The following MEI4 variants were observed in gnomAD, a reference collection of about 807,000 sequenced individuals.
The protein encoded by MEI4 is meiotic double-stranded break formation protein 4, also known as meiosis-specific protein MEI4.
MEI4 carries 27 observed loss-of-function variants against 31.4 expected under a neutral mutation model. That is an observed-to-expected ratio of 0.86 (90% CI 0.63 to 1.19). The LOEUF (loss-of-function observed/expected upper bound fraction) is 1.19, where lower values mean the gene tolerates loss of function less well. Ranked by LOEUF, MEI4 falls within the 50% of genes most tolerant of loss-of-function variation. The pLI is 0.00. For synonymous variants in MEI4, 122 were observed against 145.4 expected, an observed-to-expected ratio of 0.84 and a Z score of 1.16; for missense variants, 329 against 398.9, an observed-to-expected ratio of 0.82 and a Z score of 1.49.
In MEI4 at chr6:77,734,796, C is replaced by T. The variant is rs530071399; in HGVS notation, c.233-26334C>T. On this transcript the variant is annotated intron_variant, in intron 2 of 4. Transcript: ENST00000684080. ...ACTGGTTGTTCCTTTCCGTGTTTAG[C>T]GCTTCCTTCAGGAGCTCTTTTAGGG... Among the ~76,000 whole-genome samples, 139 of 151,756 alleles carry T rather than the reference C, an allele frequency of 9.2e-4. 2 individuals carry two copies. Among genetic ancestry groups the T allele is most frequent in the African/African-American group, 2.2e-3 (92 of 41,304 alleles).
chr6:77,810,694 T>A (rs1769556232), intron 3 of MEI4, among the ~76,000 whole-genome samples: 1 of 152,142 alleles, frequency 6.6e-6, no homozygotes, highest in Admixed American at 6.6e-5. Flanking sequence ...AAAATACATG[T>A]TATAGACTCC....
At chr6:77,871,969 T>A (rs553550874) in intron 4 of MEI4, among the ~76,000 whole-genome samples, 1 of 152,308 alleles carries the variant, frequency 6.6e-6, no homozygotes, top group South Asian at 2.1e-4. Context: ...AGTTTCCCTC[T>A]AAGATAATTA....
upstream of MEI4, among the ~76,000 whole-genome samples, chr6:77,652,830 T>G (rs902597787): frequency 6.6e-6 from 1 of 152,072 alleles, no homozygotes; most frequent in Admixed American, 6.5e-5. Context: ...CTAAGGCCCA[T>G]AGACATCAAA....
chr6:77,925,848 T>C lies in MEI4; in HGVS notation c.*2502T>C, dbSNP rs1766830448. The C allele has an allele frequency of 6.7e-6, 1 of 149,034 alleles. No individual in the cohort carries two copies. Among genetic ancestry groups the C allele is most frequent in the South Asian group, 2.1e-4 (1 of 4,800 alleles). The allele number at this position is 149,034 out of a possible 1,614,324, so 9.2% of individuals were successfully genotyped here. A position where few individuals can be genotyped will look rare whatever the true frequency, so the allele number is the denominator to read the frequency against. Reference sequence around the variant, plus strand: ...TATAATAAAATATATGAATAAGTAATATTATACATATATATACGATATGTA... The same window carrying C: ...TATAATAAAATATATGAATAAGTAACATTATACATATATATACGATATGTA... On this transcript the variant is annotated 3_prime_UTR_variant, in exon 5 of 5. Coordinates refer to ENST00000684080, the MANE Select transcript of MEI4 (RefSeq NM_001322247.2).
intron 4 of MEI4, among the ~76,000 whole-genome samples, chr6:77,835,570 A>G (rs1369909380): frequency 1.3e-5 from 2 of 152,118 alleles, no homozygotes; most frequent in Non-Finnish European, 2.9e-5. Flanking sequence ...TTATATTGAC[A>G]CAATATCTTT....
intron 1 of MEI4, among the ~76,000 whole-genome samples, chr6:77,665,976 C>T (rs375307477): frequency 3.3e-5 from 5 of 152,170 alleles, no homozygotes; most frequent in South Asian, 4.2e-4. Context: ...GGAGGTCCCC[C>T]GATCCGAGTC....
At chr6:77,692,168 T>C (rs1317653852) in intron 2 of MEI4, among the ~76,000 whole-genome samples, 1 of 151,994 alleles carries the variant, frequency 6.6e-6, no homozygotes. Flanking sequence ...GTTCTTCTCT[T>C]TGACTCTTTG....
chr6:77,715,312 A>G (rs1766555000), intron 2 of MEI4, among the ~76,000 whole-genome samples: 1 of 152,212 alleles, frequency 6.6e-6, no homozygotes, highest in Non-Finnish European at 1.5e-5. Context: ...GTTTTTAACT[A>G]GTTATAAAAA....
At chr6:77,675,547 T>A (rs9343639) in intron 1 of MEI4, among the ~76,000 whole-genome samples, 216 of 138,776 alleles carry the variant, frequency 1.6e-3, no homozygotes, top group East Asian at 2.7e-3. Flanking sequence ...TTTTTTTTTT[T>A]AAAAAAAAGG....
chr6:77,777,271 T>C (rs1315059464), intron 3 of MEI4, among the ~76,000 whole-genome samples: 1 of 152,138 alleles, frequency 6.6e-6, no homozygotes, highest in East Asian at 1.9e-4. Flanking sequence ...AAGGAGAATT[T>C]GAGAAAGCTA....
At chr6:77,678,279 A>C (rs1176943437) in intron 1 of MEI4, among the ~76,000 whole-genome samples, 1 of 152,204 alleles carries the variant, frequency 6.6e-6, no homozygotes, top group Non-Finnish European at 1.5e-5. Flanking sequence ...TGTATCTCTC[A>C]TGGGAACCAA....
intron 3 of MEI4, among the ~76,000 whole-genome samples, chr6:77,817,129 C>T (rs998762311): frequency 2.0e-5 from 3 of 151,860 alleles, no homozygotes; most frequent in Non-Finnish European, 4.4e-5. Context: ...ACATATTATT[C>T]TTGGTATCTC....
chr6:77,861,095 A>G (rs1770853393), intron 4 of MEI4, among the ~76,000 whole-genome samples: 1 of 152,148 alleles, frequency 6.6e-6, no homozygotes, highest in African/African-American at 2.4e-5. Flanking sequence ...ATCTGAATTG[A>G]TCCTTCCCAT....
At chr6:77,752,660 A>G (rs1160042819) in intron 2 of MEI4, among the ~76,000 whole-genome samples, 1 of 152,172 alleles carries the variant, frequency 6.6e-6, no homozygotes, top group Non-Finnish European at 1.5e-5. Context: ...GAAGAATCAT[A>G]TCACAAAAAT....
At chr6:77,694,343 T>C (rs950145980) in intron 2 of MEI4, among the ~76,000 whole-genome samples, 18 of 152,118 alleles carry the variant, frequency 1.2e-4, no homozygotes, top group Non-Finnish European at 8.8e-5. Flanking sequence ...ACATGTGTCA[T>C]GTTGGTGTGC....
At position 77,754,189 on chromosome 6, in the gene MEI4, TGTGA is replaced by T. The variant is rs1243696930; in HGVS notation, c.233-6940_233-6937del. On this transcript the variant is annotated intron_variant, in intron 2 of 4. Coordinates refer to ENST00000684080, the MANE Select transcript of MEI4 (RefSeq NM_001322247.2). ...ATGGGTGCAGCAAACCACCATGGCA[TGTGA>T]ATACCTATGTAACAAACCTGCATGT... is the stretch of plus-strand genomic sequence containing the variant. Among the ~76,000 whole-genome samples, 6 of 152,048 alleles carry T rather than the reference TGTGA, an allele frequency of 3.9e-5. No individual in the cohort carries two copies. The East Asian group carries it at 1.2e-3, about 29-fold the overall frequency.
chr6:77,690,624 G>T, intron 1 of MEI4, 34 bp from the exon 2 acceptor site: 3 of 1,067,490 alleles, frequency 2.8e-6, no homozygotes, highest in East Asian at 3.2e-5. Context: ...AAGTTAAAAA[G>T]AATTTCTATA....
intron 3 of MEI4, among the ~76,000 whole-genome samples, chr6:77,815,993 G>T (rs1285816815): frequency 2.0e-5 from 3 of 151,734 alleles, no homozygotes; most frequent in African/African-American, 7.3e-5. Context: ...CTCAAAAAAC[G>T]AATGTAAAAT....
At chr6:77,735,681 C>T (rs892533785) in intron 2 of MEI4, among the ~76,000 whole-genome samples, 1 of 152,104 alleles carries the variant, frequency 6.6e-6, no homozygotes, top group Non-Finnish European at 1.5e-5. Context: ...TGGTGAGGAG[C>T]TGCGTTCCTT....
Sources: allele counts gnomAD v4.1 joint callset (sites outside exome capture counted in the v4.1 genomes callset), GRCh38; gene constraint gnomAD v4.1.1; transcripts MANE v1.5; gene names NCBI Gene and HGNC (gene_info 2026-07-23, HGNC 2026-07-21).